Variants in SLC9A9 observed in about 807,000 individuals in gnomAD.
SLC9A9 encodes the protein solute carrier family 9 member A9, also known as sodium/hydrogen exchanger 9.
A neutral mutation model predicts 77.8 loss-of-function variants in SLC9A9; 62 were observed. That is an observed-to-expected ratio of 0.80 (90% CI 0.65 to 0.98). The LOEUF is 0.98. Among genes scored for constraint, SLC9A9 ranks in the 50% least tolerant of loss-of-function variants. SLC9A9 has a pLI of 0.00. For missense variants in SLC9A9, 775 were observed against 774.9 expected (o/e 1.00, Z 0.00); for synonymous variants, 320 against 283.5 (o/e 1.13, Z -1.29).
intron 14 of SLC9A9, among the ~76,000 whole-genome samples, chr3:143,353,317 G>A (rs2032512056): frequency 6.6e-6 from 1 of 152,182 alleles, no homozygotes; most frequent in Non-Finnish European, 1.5e-5. Flanking sequence ...GACTCCCAAG[G>A]TGATCACATT....
chr3:143,335,782 G>A (rs1019804745), intron 14 of SLC9A9, among the ~76,000 whole-genome samples: 9 of 152,094 alleles, frequency 5.9e-5, no homozygotes, highest in African/African-American at 1.7e-4. Context: ...AAGGACCTAA[G>A]TATAAGATCT....
At chr3:143,317,754 GTCT>G (rs2031268342) in intron 14 of SLC9A9, among the ~76,000 whole-genome samples, 1 of 151,900 alleles carries the variant, frequency 6.6e-6, no homozygotes, top group Admixed American at 6.6e-5. Context: ...TTGAGACAGA[GTCT>G]CGCTCTGTCA....
intron 12 of SLC9A9, among the ~76,000 whole-genome samples, chr3:143,432,713 C>T (rs942290982): frequency 5.3e-5 from 8 of 152,136 alleles, no homozygotes; most frequent in East Asian, 1.9e-4. Context: ...CTGCAACCTC[C>T]GCCTCCCAGG....
At position 143,265,564 on chromosome 3, in the gene SLC9A9, T is replaced by A. The variant is rs1467713679; in HGVS notation, c.*1138A>T. The A allele has an allele frequency of 4.0e-6, 1 of 251,828 alleles. No individual in the cohort carries two copies. The highest frequency in any genetic ancestry group is 2.2e-5 in the African/African-American group (1 of 45,156). 15.6% of individuals were successfully genotyped at this position (251,828 alleles called of 1,614,324 possible). ...GGAGCCTATTTTTTCGAGTCTAATATGAACATCTGGATTTCAAGAGGTGCT... is the reference window on the plus strand; with the variant it reads ...GGAGCCTATTTTTTCGAGTCTAATAAGAACATCTGGATTTCAAGAGGTGCT... On this transcript the variant is annotated 3_prime_UTR_variant, in exon 16 of 16. Transcript: ENST00000316549.
At chr3:143,536,595 C>A (rs908900338) in intron 9 of SLC9A9, among the ~76,000 whole-genome samples, 2 of 130,812 alleles carry the variant, frequency 1.5e-5, no homozygotes, top group Non-Finnish European at 3.1e-5. Flanking sequence ...GGCAGGCAAG[C>A]AAGTCACTGT....
At chr3:143,699,668 G>T (rs777709818) in intron 4 of SLC9A9, among the ~76,000 whole-genome samples, 1 of 152,136 alleles carries the variant, frequency 6.6e-6, no homozygotes, top group African/African-American at 2.4e-5. Flanking sequence ...CTATCCCAGC[G>T]AATAGAACTT....
At chr3:143,467,860 A>G (rs978763845) in intron 11 of SLC9A9, among the ~76,000 whole-genome samples, 3 of 152,164 alleles carry the variant, frequency 2.0e-5, no homozygotes, top group Admixed American at 2.0e-4. Context: ...ACAACCAGTA[A>G]TCTATTCTCT....
At chr3:143,821,272 A>G (rs943561588) in intron 2 of SLC9A9, among the ~76,000 whole-genome samples, 1 of 152,252 alleles carries the variant, frequency 6.6e-6, no homozygotes, top group Non-Finnish European at 1.5e-5. Context: ...GGCAGATGTT[A>G]TGGAAGGAGA....
At chr3:143,288,249 G>A (rs755225237) in intron 14 of SLC9A9, among the ~76,000 whole-genome samples, 1 of 151,436 alleles carries the variant, frequency 6.6e-6, no homozygotes, top group Non-Finnish European at 1.5e-5. Flanking sequence ...CTAAGCCTGG[G>A]CTCCAGTTAT....
intron 4 of SLC9A9, among the ~76,000 whole-genome samples, chr3:143,755,294 CATA>C (rs2006885469): frequency 7.9e-6 from 1 of 125,972 alleles, no homozygotes; most frequent in South Asian, 2.6e-4. Flanking sequence ...CCAAGTTGAA[CATA>C]TTTGGATCTA....
chr3:143,414,009 C>A (rs1265283473), intron 12 of SLC9A9, among the ~76,000 whole-genome samples: 4 of 152,244 alleles, frequency 2.6e-5, no homozygotes, highest in Non-Finnish European at 4.4e-5. Context: ...GGGCTAGACA[C>A]ATAGCAGGCA....
chr3:143,724,919 C>A (rs1934597222), intron 4 of SLC9A9, among the ~76,000 whole-genome samples: 1 of 152,048 alleles, frequency 6.6e-6, no homozygotes, highest in African/African-American at 2.4e-5. Context: ...TCAAAATCCT[C>A]ATGATACAGC....
chr3:143,274,128 G>A (rs1559847837), intron 14 of SLC9A9, among the ~76,000 whole-genome samples: 1 of 152,158 alleles, frequency 6.6e-6, no homozygotes, highest in Non-Finnish European at 1.5e-5. Flanking sequence ...TCAGCTTGTG[G>A]AAGAAGACTT....
chr3:143,358,303 C>G (rs1484186224), intron 14 of SLC9A9, among the ~76,000 whole-genome samples: 1 of 152,116 alleles, frequency 6.6e-6, no homozygotes, highest in Non-Finnish European at 1.5e-5. Flanking sequence ...TCATTCCAAC[C>G]AGTTATGGGA....
intron 2 of SLC9A9, among the ~76,000 whole-genome samples, chr3:143,814,895 A>C (rs13070587): frequency 0.26 from 39,956 of 152,008 alleles, 5,859 homozygotes; most frequent in South Asian, 0.4. Flanking sequence ...CAGGAGGTTA[A>C]GGAAAAAATG....
At chr3:143,439,145 G>T (rs866433437) in intron 12 of SLC9A9, among the ~76,000 whole-genome samples, 64 of 152,292 alleles carry the variant, frequency 4.2e-4, no homozygotes, top group African/African-American at 1.5e-3. Flanking sequence ...GGCACTTATT[G>T]CTTGCTAGGC....
intron 12 of SLC9A9, among the ~76,000 whole-genome samples, chr3:143,390,530 A>C (rs896497700): frequency 6.6e-6 from 1 of 152,246 alleles, no homozygotes; most frequent in Non-Finnish European, 1.5e-5. Flanking sequence ...TGAGCAACGC[A>C]GAAGACAAGT....
At chr3:143,720,225 T>C (rs1415964861) in intron 4 of SLC9A9, among the ~76,000 whole-genome samples, 1 of 151,480 alleles carries the variant, frequency 6.6e-6, no homozygotes, top group African/African-American at 2.4e-5. Flanking sequence ...TACATGTATG[T>C]GTCTATATGT....
At chr3:143,805,274 C>A (rs943276117) in intron 2 of SLC9A9, among the ~76,000 whole-genome samples, 2 of 152,086 alleles carry the variant, frequency 1.3e-5, no homozygotes, top group Admixed American at 6.6e-5. Flanking sequence ...AACAACCCCA[C>A]AATATCACCC....
Sources: allele counts gnomAD v4.1 joint callset (sites outside exome capture counted in the v4.1 genomes callset), GRCh38; gene constraint gnomAD v4.1.1; transcripts MANE v1.5; gene names NCBI Gene and HGNC (gene_info 2026-07-23, HGNC 2026-07-21).